SLC13A3: variants seen among roughly 807,000 people sequenced by gnomAD.
SLC13A3 encodes solute carrier family 13 member 3.
A neutral mutation model predicts 59.0 loss-of-function variants in SLC13A3; 40 were observed. The observed-to-expected ratio is 0.68, with a 90% CI of 0.53 to 0.88. The LOEUF (loss-of-function observed/expected upper bound fraction) is 0.88, where lower values mean the gene tolerates loss of function less well. SLC13A3 is among the 40% of genes least tolerant of loss of function. SLC13A3 has a pLI of 0.00. For missense variants in SLC13A3, 699 were observed against 783.2 expected (o/e 0.89, Z 1.28); for synonymous variants, 317 against 330.3 (o/e 0.96, Z 0.44).
chr20:46,637,741 G>A (rs2062808785), intron 1 of SLC13A3, among the ~76,000 whole-genome samples: 1 of 152,154 alleles, frequency 6.6e-6, no homozygotes, highest in African/African-American at 2.4e-5. Flanking sequence ...TACAGAGGAG[G>A]AGACTGAGGC....
chr20:46,622,032 A>T (rs1413790745), intron 1 of SLC13A3, among the ~76,000 whole-genome samples: 3 of 152,216 alleles, frequency 2.0e-5, no homozygotes, highest in Non-Finnish European at 4.4e-5. Context: ...AAAATGATTT[A>T]CTGACTCTGT....
intron 6 of SLC13A3, 92 bp from the exon 7 acceptor site, chr20:46,589,347 CCT>C (rs1361456030): frequency 8.8e-6 from 9 of 1,026,332 alleles, no homozygotes; most frequent in Non-Finnish European, 1.4e-5. Context: ...CAAGCCACAT[CCT>C]CTCTGTCCGG....
intron 1 of SLC13A3, among the ~76,000 whole-genome samples, chr20:46,679,601 G>A (rs942270189): frequency 1.3e-5 from 2 of 149,692 alleles, no homozygotes; most frequent in African/African-American, 4.9e-5. Flanking sequence ...GCGACAGAGC[G>A]AGACTCCGTC....
chr20:46,583,755 A>C (rs892413432), intron 8 of SLC13A3, 86 bp from the exon 9 acceptor site: 5 of 1,559,616 alleles, frequency 3.2e-6, no homozygotes, highest in Non-Finnish European at 4.3e-6. Context: ...GATTTGTGGA[A>C]GGGAATTAGG....
chr20:46,671,535 AAGAC>A (rs1391631557), upstream of SLC13A3, among the ~76,000 whole-genome samples: 1 of 152,136 alleles, frequency 6.6e-6, no homozygotes, highest in Admixed American at 6.5e-5. Flanking sequence ...AAAGATAAAT[AAGAC>A]AGAGTTCATA....
In SLC13A3 at chr20:46,613,647, G is replaced by A; in HGVS notation, c.190C>T (p.Leu64=). 4 of 1,612,358 alleles carry A rather than the reference G, an allele frequency of 2.5e-6. No homozygotes were observed. Among genetic ancestry groups the A allele is most frequent in the Non-Finnish European group, 3.4e-6 (4 of 1,179,292 alleles). The change falls in exon 2 of 13, where the codon CTG becomes TTG. Residue 64 remains leucine (L), a synonymous_variant. Coordinates refer to ENST00000279027, the MANE Select transcript of SLC13A3 (RefSeq NM_022829.6). Reference sequence around the variant, plus strand: ...AAGGGGAAGAGGACGATGGGCAGCAGCGCCGTCACTGAGAGCGGCAGGGCC... The same window carrying A: ...AAGGGGAAGAGGACGATGGGCAGCAACGCCGTCACTGAGAGCGGCAGGGCC... ...TEALPLSVTA[L]LPIVLFPFMG...
At chr20:46,610,108 C>G (rs2062479333) in intron 3 of SLC13A3, among the ~76,000 whole-genome samples, 1 of 152,174 alleles carries the variant, frequency 6.6e-6, no homozygotes, top group Non-Finnish European at 1.5e-5. Flanking sequence ...TCTCTGAGTA[C>G]TGGTGATGCT....
chr20:46,604,758 T>C (rs1403411581), intron 3 of SLC13A3, among the ~76,000 whole-genome samples: 4 of 152,278 alleles, frequency 2.6e-5, no homozygotes, highest in Admixed American at 1.3e-4. Flanking sequence ...GCACGAGTGC[T>C]GGGAACAGGT....
Position 46,605,131 on chromosome 20 carries a change from C to T in SLC13A3, c.542-5094G>A, listed in dbSNP as rs188232822. 2.3e-4 allele frequency among the ~76,000 whole-genome samples: 35 copies of T among 152,276 alleles called. No individual in the cohort carries two copies. In the East Asian group the frequency reaches 3.3e-3, roughly 14 times the overall value. ...TATAAATAAGGCAGTGAAGGGTATT[C>T]GTACACACAGAACTCTAAACAGTAA... On this transcript the variant is annotated intron_variant, in intron 3 of 12. Transcript: ENST00000279027.
chr20:46,584,193 C>G, intron 8 of SLC13A3: 1 of 985,364 alleles, frequency 1.0e-6, no homozygotes, highest in Non-Finnish European at 1.2e-6. Context: ...GGGAGTTTTG[C>G]GCACATTAAG....
At chr20:46,679,387 T>C (rs1329761283) in intron 1 of SLC13A3, among the ~76,000 whole-genome samples, 1 of 151,850 alleles carries the variant, frequency 6.6e-6, no homozygotes, top group Non-Finnish European at 1.5e-5. Flanking sequence ...CAAAATCCTG[T>C]CTCTACTAAC....
chr20:46,623,804 A>C (rs1026174848), intron 1 of SLC13A3, among the ~76,000 whole-genome samples: 2 of 152,222 alleles, frequency 1.3e-5, no homozygotes, highest in Non-Finnish European at 2.9e-5. Flanking sequence ...TTTTCAAAAC[A>C]ATCCTTTGAG....
At chr20:46,640,136 T>G (rs6124839) in intron 1 of SLC13A3, among the ~76,000 whole-genome samples, 5,957 of 152,158 alleles carry the variant, frequency 0.039, 195 homozygotes, top group East Asian at 0.21. Flanking sequence ...TGAAGTCTCC[T>G]CGGGGGACAG....
At chr20:46,660,847 C>T (rs901103763) in intron 1 of SLC13A3, among the ~76,000 whole-genome samples, 5 of 152,052 alleles carry the variant, frequency 3.3e-5, no homozygotes, top group African/African-American at 9.7e-5. Flanking sequence ...TCCTTCTCTA[C>T]GTGTTTCAAA....
chr20:46,671,783 C>T (rs539015559), upstream of SLC13A3, among the ~76,000 whole-genome samples: 5 of 152,216 alleles, frequency 3.3e-5, no homozygotes, highest in East Asian at 5.8e-4. Context: ...ATACTTGTAC[C>T]GGCATCTGAC....
chr20:46,590,220 A>T (rs1271267769), intron 6 of SLC13A3, among the ~76,000 whole-genome samples: 2 of 152,234 alleles, frequency 1.3e-5, no homozygotes, highest in East Asian at 3.8e-4. Context: ...AATGTAAAAA[A>T]AAATAATAAT....
chr20:46,562,324 C>G (rs1364700470), intron 12 of SLC13A3, among the ~76,000 whole-genome samples: 1 of 152,202 alleles, frequency 6.6e-6, no homozygotes, highest in South Asian at 2.1e-4. Flanking sequence ...GCCACCCCAG[C>G]CTCCTGGCCC....
intron 1 of SLC13A3, among the ~76,000 whole-genome samples, chr20:46,645,288 TA>T (rs1412751465): frequency 1.3e-5 from 2 of 152,248 alleles, no homozygotes; most frequent in African/African-American, 4.8e-5. Context: ...ATCCTTTACC[TA>T]ATCACACCTG....
intron 1 of SLC13A3, among the ~76,000 whole-genome samples, chr20:46,622,643 T>C (rs1322201268): frequency 6.6e-6 from 1 of 150,798 alleles, no homozygotes; most frequent in Non-Finnish European, 1.5e-5. Flanking sequence ...TGTGTGTGTG[T>C]GTGTGTGTGT....
Sources: allele counts gnomAD v4.1 joint callset (sites outside exome capture counted in the v4.1 genomes callset), GRCh38; gene constraint gnomAD v4.1.1; transcripts MANE v1.5; gene names NCBI Gene and HGNC (gene_info 2026-07-23, HGNC 2026-07-21).